The following PLCXD3 variants were observed in gnomAD, a reference collection of about 807,000 sequenced individuals.
PLCXD3 encodes phosphatidylinositol specific phospholipase C X domain containing 3.
Under a neutral mutation model 25.5 loss-of-function variants are expected in PLCXD3, and 19 were observed. That is an observed-to-expected ratio of 0.75 (90% CI 0.52 to 1.09). The LOEUF (loss-of-function observed/expected upper bound fraction) is 1.09, where lower values mean the gene tolerates loss of function less well. Among genes scored for constraint, PLCXD3 ranks in the 50% least tolerant of loss-of-function variants. PLCXD3 has a pLI of 0.00. For synonymous variants in PLCXD3, 174 were observed against 137.6 expected, an observed-to-expected ratio of 1.26 and a Z score of -1.85; for missense variants, 411 against 388.1, an observed-to-expected ratio of 1.06 and a Z score of -0.50.
At position 41,475,809 on chromosome 5, in the gene PLCXD3, A is replaced by T. The variant is rs979539201; in HGVS notation, c.103+34615T>A. 34 of 502,498 alleles carry T rather than the reference A, an allele frequency of 6.8e-5. No individual in the cohort carries two copies. In the Admixed American group the frequency reaches 7.2e-4, roughly 11 times the overall value. The allele number at this position is 502,498 out of a possible 1,614,324, so 31.1% of individuals were successfully genotyped here. A position where few individuals can be genotyped will look rare whatever the true frequency, so the allele number is the denominator to read the frequency against. On this transcript the variant is annotated intron_variant, in intron 1 of 2. Transcript: ENST00000377801. ...GTTACTACTTGAGACCATCATTATG[A>T]GACTGAATGAAGGGATGAACATAGA...
intron 1 of PLCXD3, among the ~76,000 whole-genome samples, chr5:41,406,958 CT>C (rs59658735): frequency 0.058 from 8,867 of 152,228 alleles, 882 homozygotes; most frequent in African/African-American, 0.2. Flanking sequence ...GAACTATTTG[CT>C]TTTATAGCCC....
intron 2 of PLCXD3, among the ~76,000 whole-genome samples, chr5:41,362,108 A>G (rs1001294583): frequency 2.2e-4 from 34 of 152,204 alleles, no homozygotes; most frequent in African/African-American, 8.0e-4. Flanking sequence ...TTTGGAAGCC[A>G]TTTTTACGTG....
chr5:41,434,056 T>C (rs1747177980), intron 1 of PLCXD3, among the ~76,000 whole-genome samples: 1 of 152,228 alleles, frequency 6.6e-6, no homozygotes, highest in East Asian at 1.9e-4. Context: ...CATTCACTTC[T>C]AACCCACTGT....
intron 1 of PLCXD3, among the ~76,000 whole-genome samples, chr5:41,444,871 T>C (rs1051299437): frequency 6.6e-6 from 1 of 152,204 alleles, no homozygotes; most frequent in African/African-American, 2.4e-5. Context: ...AGTTTTCTAT[T>C]AGTATGAGTG....
Position 41,501,287 on chromosome 5 carries a change from C to T in PLCXD3, c.103+9137G>A, listed in dbSNP as rs868052923. Among the ~76,000 whole-genome samples the T allele has an allele frequency of 3.9e-5, 6 of 151,916 alleles. No individual in the cohort carries two copies. The South Asian group carries it at 6.2e-4, about 16-fold the overall frequency. ...AATAAGCTTCAGTATCGTTCACAAT[C>T]AAAATGTATATCAATGGATGAATGG... On this transcript the variant is annotated intron_variant, in intron 1 of 2. Transcript: ENST00000377801.
chr5:41,420,004 A>G (rs115480444), intron 1 of PLCXD3, among the ~76,000 whole-genome samples: 214 of 152,308 alleles, frequency 1.4e-3, no homozygotes, highest in Non-Finnish European at 2.4e-3. Context: ...CCCATTTCCC[A>G]TAATTACTCA....
chr5:41,394,837 C>G (rs888353719), intron 1 of PLCXD3, among the ~76,000 whole-genome samples: 23 of 152,074 alleles, frequency 1.5e-4, no homozygotes, highest in African/African-American at 5.6e-4. Flanking sequence ...GTAATATTAT[C>G]AGAGCTAAAG....
intron 1 of PLCXD3, among the ~76,000 whole-genome samples, chr5:41,397,735 C>T (rs1746053127): frequency 6.6e-6 from 1 of 152,220 alleles, no homozygotes; most frequent in Non-Finnish European, 1.5e-5. Context: ...GGGCTGTACT[C>T]TGCAGAGTCA....
In PLCXD3 at chr5:41,312,623, C is replaced by T. The variant is rs1472540733; in HGVS notation, c.*994G>A. ...CCTTCCTCCCTTCCTTCCTTCCTCC[C>T]GTCCTTCCTTCTGTCCTTCCCTCCC... On this transcript the variant is annotated 3_prime_UTR_variant, in exon 3 of 3. Coordinates refer to ENST00000377801, the MANE Select transcript of PLCXD3 (RefSeq NM_001005473.3). 1.4e-5 allele frequency: 2 copies of T among 146,590 alleles called. No homozygotes were observed. Among genetic ancestry groups the T allele is most frequent in the African/African-American group, 2.5e-5 (1 of 39,660 alleles). 9.1% of individuals were successfully genotyped at this position (146,590 alleles called of 1,614,324 possible). A position where few individuals can be genotyped will look rare whatever the true frequency, so the allele number is the denominator to read the frequency against.
chr5:41,402,022 T>G (rs1460192715), intron 1 of PLCXD3, among the ~76,000 whole-genome samples: 1 of 152,014 alleles, frequency 6.6e-6, no homozygotes, highest in African/African-American at 2.4e-5. Context: ...ATGCTAAATT[T>G]TATTGACATT....
chr5:41,410,947 T>A (rs997049108), intron 1 of PLCXD3, among the ~76,000 whole-genome samples: 2 of 152,092 alleles, frequency 1.3e-5, no homozygotes, highest in African/African-American at 4.8e-5. Context: ...GACCCTGCAG[T>A]TTGGGGCAGT....
rs1339460173 is a variant in PLCXD3 at position 41,381,916 on chromosome 5, G to A, written c.722C>T (p.Ser241Leu). 2.5e-6 allele frequency: 4 copies of A among 1,613,312 alleles called. No individual in the cohort carries two copies. Among genetic ancestry groups the A allele is most frequent in the South Asian group, 2.2e-5 (2 of 91,048 alleles). Residue 241 changes from serine to leucine, a missense_variant, in exon 2 of 3, where the codon TCG becomes TTG. Physicochemically the swap from Ser to Leu is moderately radical, Grantham distance 145 (BLOSUM62 -2). Coordinates refer to ENST00000377801, the MANE Select transcript of PLCXD3 (RefSeq NM_001005473.3). ...ASITERRKKG[S>L]FFISQVVLTP... ...CAGCACCACCTGAGATATAAAAAACGATCCCTTCTTTCTTCTCTCAGTGAT... is the reference window on the plus strand; with the variant it reads ...CAGCACCACCTGAGATATAAAAAACAATCCCTTCTTTCTTCTCTCAGTGAT...
chr5:41,382,447 A>G lies in PLCXD3; in HGVS notation c.191T>C (p.Val64Ala). The G allele has an allele frequency of 6.2e-7, 1 of 1,613,238 alleles. No individual in the cohort carries two copies. Among genetic ancestry groups the G allele is most frequent in the Non-Finnish European group, 8.5e-7 (1 of 1,179,684 alleles). The part of the protein sequence containing the change: ...QPETVQNFVS[V>A]FGTVAKKLMR... ...GAGCTTTTTGGCCACAGTTCCAAAC[A>G]CAGAGACAAAATTCTGGACAGTTTC... Residue 64 changes from valine (V) to alanine (A), a missense_variant, in exon 2 of 3, where the codon GTG (valine) becomes GCG (alanine). Val to Ala is a moderately conservative substitution (Grantham distance 64). Transcript: ENST00000377801.
rs368522252 is a variant in PLCXD3, at chr5:41,352,486, A to G, written c.812+29340T>C. Among the ~76,000 whole-genome samples the G allele has an allele frequency of 5.3e-5, 8 of 152,328 alleles. No individual in the cohort carries two copies. In the East Asian group the frequency reaches 1.5e-3, roughly 29 times the overall value. On this transcript the variant is annotated intron_variant, in intron 2 of 2. Transcript: ENST00000377801. ...ATTGTAAAATCAATTAGCAACATCT[A>G]ACAAATTTTGGCAAAAGCAGGTTCG...
intron 2 of PLCXD3, among the ~76,000 whole-genome samples, chr5:41,347,331 G>T (rs1744330099): frequency 6.6e-6 from 1 of 152,134 alleles, no homozygotes; most frequent in Non-Finnish European, 1.5e-5. Context: ...ATGATTTCTG[G>T]TTCACTAATG....
intron 2 of PLCXD3, among the ~76,000 whole-genome samples, chr5:41,380,722 C>A (rs1343377356): frequency 5.9e-5 from 9 of 152,114 alleles, no homozygotes; most frequent in Admixed American, 2.0e-4. Flanking sequence ...AACATTCATG[C>A]TGTGTCTCTT....
At chr5:41,433,130 G>A (rs1322290896) in intron 1 of PLCXD3, among the ~76,000 whole-genome samples, 1 of 152,184 alleles carries the variant, frequency 6.6e-6, no homozygotes, top group African/African-American at 2.4e-5. Flanking sequence ...CAGGGCACAA[G>A]CTGCCTTTCT....
chr5:41,421,301 T>C (rs2150506076), intron 1 of PLCXD3, among the ~76,000 whole-genome samples: 1 of 152,342 alleles, frequency 6.6e-6, no homozygotes, highest in South Asian at 2.1e-4. Flanking sequence ...CTGGACCATA[T>C]TGCTCTAATA....
chr5:41,459,530 A>G (rs1747828197), intron 1 of PLCXD3, among the ~76,000 whole-genome samples: 1 of 151,888 alleles, frequency 6.6e-6, no homozygotes, highest in South Asian at 2.1e-4. Context: ...TCAAACTAGC[A>G]TCACACTGCT....
Sources: allele counts gnomAD v4.1 joint callset (sites outside exome capture counted in the v4.1 genomes callset), GRCh38; gene constraint gnomAD v4.1.1; transcripts MANE v1.5; gene names NCBI Gene and HGNC (gene_info 2026-07-23, HGNC 2026-07-21).